Variants in TBC1D7 observed in about 807,000 individuals in gnomAD.
The protein encoded by TBC1D7 is TBC domain family 7.
Under a neutral mutation model 35.3 loss-of-function variants are expected in TBC1D7, and 33 were observed. The ratio of observed to expected loss-of-function variants is 0.93; its 90% CI spans 0.71 to 1.25. The LOEUF is 1.25. TBC1D7 is among the 50% of genes most tolerant of loss of function. TBC1D7 has a pLI of 0.00. For missense variants in TBC1D7, 362 were observed against 365.3 expected (o/e 0.99, Z 0.07); for synonymous variants, 135 against 129.5 (o/e 1.04, Z -0.29).
intron 2 of TBC1D7, 82 bp from the exon 3 acceptor site, chr6:13,325,256 A>C: frequency 2.9e-6 from 3 of 1,022,666 alleles, no homozygotes; most frequent in Non-Finnish European, 4.5e-6. Flanking sequence ...TTTAAAACTC[A>C]AAGAATAGTT....
intron 5 of TBC1D7, 109 bp downstream of exon 5, chr6:13,316,462 T>C: frequency 1.7e-6 from 2 of 1,201,278 alleles, no homozygotes; most frequent in Non-Finnish European, 2.3e-6. Context: ...AGTTCTACTA[T>C]AAAGGGTTAT....
In TBC1D7 at chr6:13,307,755, A is replaced by G; in HGVS notation, c.520-10T>C. On this transcript the variant is annotated splice_polypyrimidine_tract_variant and intron_variant, in intron 5 of 7. Coordinates refer to ENST00000379300, the MANE Select transcript of TBC1D7 (RefSeq NM_016495.6). The stretch of plus-strand genomic sequence containing the variant: ...GTTCAAACGCTTTTGGCTAAAGATT[A>G]AGCAAGAACAGAGATTATTCATTTT... 3 of 1,611,044 alleles carry G rather than the reference A, an allele frequency of 1.9e-6. No homozygotes were observed. The highest frequency in any genetic ancestry group is 2.5e-6 in the Non-Finnish European group (3 of 1,177,842).
At chr6:13,308,364 A>G (rs1235938234) in intron 5 of TBC1D7, among the ~76,000 whole-genome samples, 1 of 152,208 alleles carries the variant, frequency 6.6e-6, no homozygotes, top group Non-Finnish European at 1.5e-5. Context: ...TGAACTCTGT[A>G]TTCAACATAA....
chr6:13,306,795 T>C (rs920523565), intron 6 of TBC1D7: 6 of 227,348 alleles, frequency 2.6e-5, no homozygotes, highest in Admixed American at 2.2e-4. Flanking sequence ...TATTCCCTCA[T>C]GTTGTGAACC....
Position 13,326,444 on chromosome 6 carries a change from CAG to C in TBC1D7, c.112+341_112+342del, listed in dbSNP as rs1300926526. ...CACCACTGCACTACAGCCTGGGCAA[CAG>C]AGTCAGACTTGGTCTCAAAAAAAAA... On this transcript the variant is annotated intron_variant, in intron 2 of 7. Coordinates refer to ENST00000379300, the MANE Select transcript of TBC1D7 (RefSeq NM_016495.6). Among the ~76,000 whole-genome samples the C allele has an allele frequency of 1.9e-4, 28 of 146,236 alleles. No homozygotes were observed. The Admixed American group carries it at 1.9e-3, about 10-fold the overall frequency.
intron 2 of TBC1D7, among the ~76,000 whole-genome samples, chr6:13,326,045 T>C (rs1784382704): frequency 6.6e-6 from 1 of 152,260 alleles, no homozygotes; most frequent in Non-Finnish European, 1.5e-5. Context: ...AAAAGTACTC[T>C]ATGCAAATAA....
At chr6:13,306,259 T>G (rs1415005798) in intron 7 of TBC1D7, 139 bp downstream of exon 7, 1 of 610,080 alleles carries the variant, frequency 1.6e-6, no homozygotes, top group African/African-American at 2.0e-5. Flanking sequence ...TTATTATAAT[T>G]ATTCTCTGAA....
chr6:13,322,579 T>C (rs939902370), intron 3 of TBC1D7, among the ~76,000 whole-genome samples: 2 of 152,226 alleles, frequency 1.3e-5, no homozygotes, highest in East Asian at 3.8e-4. Flanking sequence ...CATTTGACTA[T>C]GAATCCCTCT....
In TBC1D7 at chr6:13,306,438, G is replaced by T; in HGVS notation, c.755C>A (p.Ala252Glu). 6.2e-7 allele frequency: 1 copy of T among 1,608,638 alleles called. No individual in the cohort carries two copies. Among genetic ancestry groups the T allele is most frequent in the Non-Finnish European group, 8.5e-7 (1 of 1,178,198 alleles). Residue 252 changes from alanine (A) to glutamate (E), a missense_variant, in exon 7 of 8, where the codon GCA becomes GAA. Physicochemically the swap from Ala to Glu is moderately radical, Grantham distance 107. Coordinates refer to ENST00000379300, the MANE Select transcript of TBC1D7 (RefSeq NM_016495.6). ...ILLTFKIKVM[A>E]LNSAEKITKF... ...TGTTATCTTCTCTGCACTGTTCAGT[G>T]CCATAACTTTTATTTTAAAGGTTAA...
chr6:13,324,196 C>T (rs548585242), intron 3 of TBC1D7, among the ~76,000 whole-genome samples: 1 of 151,708 alleles, frequency 6.6e-6, no homozygotes, highest in Non-Finnish European at 1.5e-5. Flanking sequence ...GGTGCCATCT[C>T]GTCTCACTGC....
chr6:13,305,278 T>C, intron 7 of TBC1D7, 91 bp from the exon 8 acceptor site: 4 of 1,234,012 alleles, frequency 3.2e-6, no homozygotes, highest in Non-Finnish European at 4.7e-6. Context: ...TCCACTTCCA[T>C]GGGAGTTTGC....
At chr6:13,306,599 A>G in intron 6 of TBC1D7, 72 bp from the exon 7 acceptor site, 1 of 1,237,276 alleles carries the variant, frequency 8.1e-7, no homozygotes, top group Non-Finnish European at 1.1e-6. Context: ...ATCTCAAATT[A>G]CAAAATAAAA....
intron 2 of TBC1D7, 45 bp from the exon 3 acceptor site, chr6:13,325,219 C>T (rs779929965): frequency 7.4e-7 from 1 of 1,345,502 alleles, no homozygotes; most frequent in Non-Finnish European, 1.1e-6. Flanking sequence ...TCATGCTGAT[C>T]ACAGTATGTC....
Position 13,326,790 on chromosome 6 carries a change from G to C in TBC1D7, c.109C>G (p.Leu37Val). The stretch of plus-strand genomic sequence containing the variant: ...ATTAATTTTTAAAAGTACTCACCCA[G>C]ACGGTCATCTTTTAGGAGAATTTCT... The part of the protein sequence containing the change: ...SLEILLKDDR[L>V]DTEKLCTFSQ... Residue 37 changes from leucine (L) to valine (V), a missense_variant, in exon 2 of 8, where the codon CTG becomes GTG. Transcript: ENST00000379300. 6.2e-7 allele frequency: 1 copy of C among 1,604,036 alleles called. No homozygotes were observed. Among genetic ancestry groups the C allele is most frequent in the Non-Finnish European group, 8.5e-7 (1 of 1,171,542 alleles).
chr6:13,315,734 A>G (rs1474063204), intron 5 of TBC1D7, among the ~76,000 whole-genome samples: 1 of 152,234 alleles, frequency 6.6e-6, no homozygotes, highest in Non-Finnish European at 1.5e-5. Context: ...CAAAAATGGA[A>G]ACAAAATATG....
intron 5 of TBC1D7, among the ~76,000 whole-genome samples, chr6:13,309,661 T>C (rs538120711): frequency 6.6e-6 from 1 of 152,326 alleles, no homozygotes; most frequent in East Asian, 1.9e-4. Context: ...CTCCCAATGA[T>C]AACTACTGGT....
chr6:13,307,522 C>A (rs1782892434), intron 6 of TBC1D7, 78 bp downstream of exon 6: 1 of 1,463,530 alleles, frequency 6.8e-7, no homozygotes. Context: ...AATTTATAAT[C>A]TGAGGGATGA....
intron 5 of TBC1D7, among the ~76,000 whole-genome samples, chr6:13,315,519 G>T (rs1440074118): frequency 1.3e-5 from 2 of 152,074 alleles, no homozygotes; most frequent in Non-Finnish European, 2.9e-5. Flanking sequence ...TTCAAGACCG[G>T]CCTGACCAAC....
At chr6:13,323,423 T>C (rs748240345) in intron 3 of TBC1D7, among the ~76,000 whole-genome samples, 3 of 151,996 alleles carry the variant, frequency 2.0e-5, no homozygotes, top group African/African-American at 7.3e-5. Flanking sequence ...AGATAGGCTG[T>C]AGCACTCAAG....
Sources: gnomAD v4.1 joint callset for allele counts (sites outside exome capture counted in the v4.1 genomes callset) on GRCh38, gnomAD v4.1.1 for gene constraint, MANE v1.5 for transcripts, NCBI Gene and HGNC (gene_info 2026-07-23, HGNC 2026-07-21) for gene names.